The following PLEKHA7 variants were observed in gnomAD, a reference collection of about 807,000 sequenced individuals.
PLEKHA7 encodes the protein pleckstrin homology domain-containing family A member 7.
A neutral mutation model predicts 170.0 loss-of-function variants in PLEKHA7; 104 were observed. The observed-to-expected ratio is 0.61, with a 90% confidence interval of 0.52 to 0.72. The LOEUF (loss-of-function observed/expected upper bound fraction) is 0.72, where lower values mean the gene tolerates loss of function less well. PLEKHA7 is among the 30% of genes least tolerant of loss of function. The probability of loss-of-function intolerance (pLI) is 0.00; values close to 1 mark genes in which losing one functional copy is unlikely to be tolerated. For missense variants in PLEKHA7, 1,615 were observed against 1,671.7 expected (o/e 0.97, Z 0.59); for synonymous variants, 648 against 660.8 (o/e 0.98, Z 0.30).
At position 16,791,649 on chromosome 11, in the gene PLEKHA7, C is replaced by A. The variant is rs528145913; in HGVS notation, c.2746-450G>T. On this transcript the variant is annotated intron_variant, in intron 19 of 26. Coordinates refer to ENST00000531066, the MANE Select transcript of PLEKHA7 (RefSeq NM_001329630.2). This position sits in a 1 kb window ranked among gnomAD's most constrained non-coding sequence, Gnocchi z 4.5. ...CCTGAGCCGGCTCATTGGCCCTACACGAGCTCTGGCGCCTTCAGCAAGGTG... is the reference window on the plus strand; with the variant it reads ...CCTGAGCCGGCTCATTGGCCCTACAAGAGCTCTGGCGCCTTCAGCAAGGTG... 4.3e-6 allele frequency: 2 copies of A among 459,790 alleles called. No individual in the cohort carries two copies. Among genetic ancestry groups the A allele is most frequent in the Non-Finnish European group, 8.7e-6 (2 of 229,166 alleles). The allele number at this position is 459,790 out of a possible 1,614,324, so 28.5% of individuals were successfully genotyped here.
chr11:16,791,296 G>A lies in PLEKHA7; in HGVS notation c.2746-97C>T. ...AGTGGAGGTTTAAAGGGTAGGAACA[G>A]GCCACATCAGAGCCACAGAACATGA... On this transcript the variant is annotated intron_variant, in intron 19 of 26. Coordinates refer to ENST00000531066, the MANE Select transcript of PLEKHA7 (RefSeq NM_001329630.2). This position sits in a 1 kb window ranked among gnomAD's most constrained non-coding sequence, Gnocchi z 4.5. The A allele has an allele frequency of 1.7e-6, 2 of 1,179,550 alleles. No homozygotes were observed. Among genetic ancestry groups the A allele is most frequent in the Non-Finnish European group, 2.4e-6 (2 of 847,090 alleles). The allele number at this position is 1,179,550 out of a possible 1,614,324, so 73.1% of individuals were successfully genotyped here. A position where few individuals can be genotyped will look rare whatever the true frequency, so the allele number is the denominator to read the frequency against.
At chr11:16,841,459 A>G in intron 9 of PLEKHA7, 88 bp downstream of exon 9, 1 of 1,414,006 alleles carries the variant, frequency 7.1e-7, no homozygotes. Flanking sequence ...AAGTGAGTAA[A>G]TGGAATCTCA....
intron 3 of PLEKHA7, among the ~76,000 whole-genome samples, chr11:16,877,505 C>T (rs538908714): frequency 3.5e-4 from 53 of 152,314 alleles, no homozygotes; most frequent in Non-Finnish European, 6.6e-4. Context: ...CACAAAATTG[C>T]TCACTTAATG....
chr11:16,781,810 T>C (rs1452965020), intron 26 of PLEKHA7, among the ~76,000 whole-genome samples: 2 of 152,144 alleles, frequency 1.3e-5, no homozygotes, highest in Non-Finnish European at 2.9e-5. Context: ...GCCACATCCT[T>C]GGCTACTTCT....
chr11:17,010,541 G>A (rs961080216), intron 3 of PLEKHA7, among the ~76,000 whole-genome samples: 1 of 152,226 alleles, frequency 6.6e-6, no homozygotes, highest in Non-Finnish European at 1.5e-5. Context: ...AGGAGTTCAA[G>A]GCTGCAGTGA....
At chr11:16,948,557 C>G (rs543740919) in intron 3 of PLEKHA7, among the ~76,000 whole-genome samples, 1 of 152,058 alleles carries the variant, frequency 6.6e-6, no homozygotes, top group Non-Finnish European at 1.5e-5. Flanking sequence ...AAGATGGTAT[C>G]TGCACAAATA....
chr11:16,795,793 AAAT>A (rs1163948535), intron 17 of PLEKHA7, among the ~76,000 whole-genome samples: 1 of 151,926 alleles, frequency 6.6e-6, no homozygotes, highest in Non-Finnish European at 1.5e-5. Flanking sequence ...TGTCTCAACA[AAAT>A]AATAATAATA....
intron 3 of PLEKHA7, among the ~76,000 whole-genome samples, chr11:16,889,418 A>ATATAT (rs59197162): frequency 1.8e-4 from 19 of 103,502 alleles, no homozygotes; most frequent in East Asian, 7.2e-4. Flanking sequence ...AAAAAAAAAA[A>ATATAT]AAATATATAT....
Position 16,817,550 on chromosome 11 carries a change from C to G in PLEKHA7, c.1344-228G>C, listed in dbSNP as rs1202928398. The G allele has an allele frequency of 4.2e-6, 2 of 473,006 alleles. No individual in the cohort carries two copies. Among genetic ancestry groups the G allele is most frequent in the African/African-American group, 3.8e-5 (2 of 52,092 alleles). 29.3% of individuals were successfully genotyped at this position (473,006 alleles called of 1,614,324 possible). A position where few individuals can be genotyped will look rare whatever the true frequency, so the allele number is the denominator to read the frequency against. On this transcript the variant is annotated intron_variant, in intron 10 of 26. Transcript: ENST00000531066. The surrounding 1 kb of genome is among the most constrained non-coding windows in gnomAD (Gnocchi z 4.4). ...TCCTCTGCCAGGACAACTTGGCTAC[C>G]CCATGCCCATCACTTGGAGTGCAAT...
chr11:16,868,098 G>A (rs755341310), intron 4 of PLEKHA7, among the ~76,000 whole-genome samples: 6 of 152,120 alleles, frequency 3.9e-5, no homozygotes, highest in Non-Finnish European at 8.8e-5. Flanking sequence ...ACAGATATCA[G>A]TTTAAACCAC....
chr11:16,779,159 G>A (rs1848837021), intron 26 of PLEKHA7, 139 bp from the exon 27 acceptor site: 2 of 678,048 alleles, frequency 2.9e-6, no homozygotes, highest in Admixed American at 4.1e-5. Flanking sequence ...GCTGCTGGGG[G>A]ACCCTCAGCT....
chr11:16,899,656 A>G (rs1389671998), intron 3 of PLEKHA7, among the ~76,000 whole-genome samples: 1 of 152,190 alleles, frequency 6.6e-6, no homozygotes, highest in African/African-American at 2.4e-5. Flanking sequence ...CAGACTGGGA[A>G]AGAGGTAATG....
chr11:16,925,387 C>A (rs965947494), intron 3 of PLEKHA7, among the ~76,000 whole-genome samples: 2 of 152,206 alleles, frequency 1.3e-5, no homozygotes, highest in South Asian at 4.1e-4. Context: ...CTCCCTCGCT[C>A]ATGGCTGGCC....
intron 9 of PLEKHA7, among the ~76,000 whole-genome samples, chr11:16,838,952 C>T (rs1364402621): frequency 6.6e-6 from 1 of 152,064 alleles, no homozygotes; most frequent in East Asian, 1.9e-4. Flanking sequence ...TCCCAAAGTG[C>T]TGGGATTACA....
chr11:16,844,978 T>C (rs1164072690), intron 8 of PLEKHA7, among the ~76,000 whole-genome samples: 1 of 152,240 alleles, frequency 6.6e-6, no homozygotes, highest in African/African-American at 2.4e-5. Context: ...TATAGCCACA[T>C]AGAAGAGAAA....
chr11:17,004,960 G>T (rs1864894193), intron 3 of PLEKHA7, among the ~76,000 whole-genome samples: 1 of 152,218 alleles, frequency 6.6e-6, no homozygotes, highest in African/African-American at 2.4e-5. Context: ...TTGCTGAGAT[G>T]ATGCTGTCTT....
rs766871501 is a variant in PLEKHA7 at position 16,783,729 on chromosome 11, C to T, written c.3621G>A (p.Glu1207=). The part of the protein sequence containing the change: ...EELQARYRKA[E]KIRNILARSS... ...ACCGGGCGAGGATGTTGCGGATCTT[C>T]TCGGCTTTGCGGTACCGCGCCTGCA... The change falls in exon 25 of 27, where the codon GAG becomes GAA. Residue 1207 remains glutamate, a synonymous_variant. Coordinates refer to ENST00000531066, the MANE Select transcript of PLEKHA7 (RefSeq NM_001329630.2). 8 of 1,489,046 alleles carry T rather than the reference C, an allele frequency of 5.4e-6. No individual in the cohort carries two copies. Among genetic ancestry groups the T allele is most frequent in the Non-Finnish European group, 5.3e-6 (6 of 1,124,382 alleles). 92.2% of individuals were successfully genotyped at this position (1,489,046 alleles called of 1,614,324 possible). A position where few individuals can be genotyped will look rare whatever the true frequency, so the allele number is the denominator to read the frequency against.
intron 3 of PLEKHA7, among the ~76,000 whole-genome samples, chr11:16,905,071 G>A (rs1341774082): frequency 6.6e-6 from 1 of 152,052 alleles, no homozygotes; most frequent in Non-Finnish European, 1.5e-5. Flanking sequence ...GGGCAACATG[G>A]CAAAACCCCA....
chr11:16,894,078 G>C (rs1856846441), intron 3 of PLEKHA7, among the ~76,000 whole-genome samples: 1 of 152,160 alleles, frequency 6.6e-6, no homozygotes, highest in South Asian at 2.1e-4. Context: ...CCAGAGTCTA[G>C]GGACTCCAGA....
Sources: gnomAD v4.1 joint callset for allele counts (sites outside exome capture counted in the v4.1 genomes callset) on GRCh38, gnomAD v4.1.1 for gene constraint, Gnocchi (gnomAD v3.1) non-coding constraint, MANE v1.5 for transcripts, NCBI Gene and HGNC (gene_info 2026-07-23, HGNC 2026-07-21) for gene names.